The following RAPGEF6 variants were observed in gnomAD, a reference collection of about 807,000 sequenced individuals.
The protein encoded by RAPGEF6 is PDZ domain containing guanine nucleotide exchange factor (GEF) 2.
In RAPGEF6, 56 loss-of-function variants were observed where a neutral mutation model predicts 171.4. The observed-to-expected ratio is 0.33, with a 90% CI of 0.26 to 0.41. The LOEUF (loss-of-function observed/expected upper bound fraction) is 0.41. RAPGEF6 is among the 10% of genes least tolerant of loss of function. RAPGEF6 has a pLI of 1.00. For synonymous variants in RAPGEF6, 692 were observed against 650.1 expected (o/e 1.06, Z -0.98); for missense variants, 1,674 against 1,921.4 (o/e 0.87, Z 2.41).
At chr5:131,576,667 G>GC (rs1025356122) in intron 4 of RAPGEF6, among the ~76,000 whole-genome samples, 16 of 152,122 alleles carry the variant, frequency 1.1e-4, no homozygotes, top group Non-Finnish European at 1.9e-4. Flanking sequence ...CTCACGACCA[G>GC]TTTTTTTCCT....
intron 4 of RAPGEF6, among the ~76,000 whole-genome samples, chr5:131,591,222 A>C (rs1763567720): frequency 6.6e-6 from 1 of 152,148 alleles, no homozygotes; most frequent in Non-Finnish European, 1.5e-5. Context: ...AAAGCCTAGA[A>C]ATTTCTTCTC....
intron 1 of RAPGEF6, among the ~76,000 whole-genome samples, chr5:131,626,217 C>T (rs1161284371): frequency 6.6e-6 from 1 of 152,160 alleles, no homozygotes; most frequent in Non-Finnish European, 1.5e-5. Context: ...TTTTCATCCC[C>T]TCCCAAAGAA....
rs182365269 is a variant in RAPGEF6, at chr5:131,434,721, G to A, written c.3746-1063C>T. On this transcript the variant is annotated intron_variant, in intron 24 of 27. Coordinates refer to ENST00000509018, the MANE Select transcript of RAPGEF6 (RefSeq NM_016340.6). ...TGACTTACTGCACAGCAGACAACTA[G>A]AGAGATGTTCTTCTGTATTCTAGGG... Among the ~76,000 whole-genome samples the A allele has an allele frequency of 3.1e-3, 465 of 152,338 alleles. 2 individuals carry two copies. Among genetic ancestry groups the A allele is most frequent in the African/African-American group, 0.01 (433 of 41,574 alleles).
chr5:131,561,248 C>T (rs1761580138), intron 5 of RAPGEF6, among the ~76,000 whole-genome samples: 1 of 152,192 alleles, frequency 6.6e-6, no homozygotes, highest in Admixed American at 6.5e-5. Context: ...AACACCATTT[C>T]TTACTTGGAT....
chr5:131,431,096 G>A lies in RAPGEF6; in HGVS notation c.4228C>T (p.Pro1410Ser), dbSNP rs749623519. 41 of 1,614,076 alleles carry A rather than the reference G, an allele frequency of 2.5e-5. No individual in the cohort carries two copies. The highest frequency in any genetic ancestry group is 8.3e-5 in the Admixed American group (5 of 60,004). Residue 1410 changes from proline to serine, a missense_variant, in exon 26 of 28, where the codon CCC becomes TCC. Physicochemically the swap from Pro to Ser is moderately conservative, Grantham distance 74. Coordinates refer to ENST00000509018, the MANE Select transcript of RAPGEF6 (RefSeq NM_016340.6). ...GAGCAGCTTTTAGAACAGGAATAGG[G>A]CTCAGAGTCAGTGGGTTCAACTTCA... ...IAEVEPTDSE[P>S]YSCSKSCSRT...
chr5:131,514,451 A>G (rs1322461184), intron 7 of RAPGEF6, among the ~76,000 whole-genome samples: 1 of 152,184 alleles, frequency 6.6e-6, no homozygotes, highest in Non-Finnish European at 1.5e-5. Flanking sequence ...CACAATGTTC[A>G]GCATACAATA....
intron 2 of RAPGEF6, 72 bp from the exon 3 acceptor site, chr5:131,603,399 AATT>A: frequency 2.1e-6 from 2 of 961,390 alleles, no homozygotes; most frequent in Non-Finnish European, 3.2e-6. Context: ...GACCTCAACT[AATT>A]ATTATAATCT....
chr5:131,455,875 C>A lies in RAPGEF6; in HGVS notation c.3002G>T (p.Ser1001Ile). ...RNMAKYRNIL[S>I]SQSMQPPIIP... Reference sequence around the variant, plus strand: ...AATTGGAGGCTGCATACTTTGACTACTAAGAATATTTCTATACTTTGCCAT... The same window carrying A: ...AATTGGAGGCTGCATACTTTGACTAATAAGAATATTTCTATACTTTGCCAT... The change falls in exon 20 of 28, where the codon AGT becomes ATT. Residue 1001 changes from serine (S) to isoleucine (I), a missense_variant. Physicochemically the swap from Ser to Ile is moderately radical, Grantham distance 142 (BLOSUM62 -2). This residue lies in a region of RAPGEF6 where 1,116 missense variants were observed against 1,321.5 expected (regional missense o/e 0.84). Coordinates refer to ENST00000509018, the MANE Select transcript of RAPGEF6 (RefSeq NM_016340.6). 1 of 1,613,930 alleles carries A rather than the reference C, an allele frequency of 6.2e-7. No homozygotes were observed.
chr5:131,583,124 A>G (rs1580621300), intron 4 of RAPGEF6, among the ~76,000 whole-genome samples: 1 of 152,336 alleles, frequency 6.6e-6, no homozygotes, highest in East Asian at 1.9e-4. Flanking sequence ...TGCTAAACAA[A>G]TAGTGGAACA....
At chr5:131,598,205 TG>T (rs1764015201) in intron 3 of RAPGEF6, among the ~76,000 whole-genome samples, 1 of 151,468 alleles carries the variant, frequency 6.6e-6, no homozygotes, top group African/African-American at 2.4e-5. Context: ...TTCACATGAG[TG>T]GGTATTTTAG....
chr5:131,464,015 G>A (rs1412650526), intron 18 of RAPGEF6, 26 bp downstream of exon 18: 2 of 1,538,856 alleles, frequency 1.3e-6, no homozygotes, highest in African/African-American at 2.8e-5. Flanking sequence ...CTACAAATAA[G>A]CACATCCACT....
intron 1 of RAPGEF6, among the ~76,000 whole-genome samples, chr5:131,626,834 A>G (rs1257156909): frequency 6.6e-6 from 1 of 152,110 alleles, no homozygotes; most frequent in Non-Finnish European, 1.5e-5. Context: ...TTAACCTGTT[A>G]CTCTGAAATA....
intron 3 of RAPGEF6, among the ~76,000 whole-genome samples, chr5:131,601,818 G>A (rs1163221668): frequency 2.0e-5 from 3 of 152,100 alleles, no homozygotes; most frequent in Non-Finnish European, 2.9e-5. Flanking sequence ...CAGATCATGA[G>A]GTCAGGAGAT....
chr5:131,561,919 C>T (rs1761628122), intron 5 of RAPGEF6, 59 bp downstream of exon 5: 1 of 1,302,404 alleles, frequency 7.7e-7, no homozygotes, highest in African/African-American at 1.5e-5. Context: ...AAGCCTACTA[C>T]ATTTAAAGTT....
chr5:131,462,769 G>A (rs931591337), intron 18 of RAPGEF6, among the ~76,000 whole-genome samples: 1 of 152,162 alleles, frequency 6.6e-6, no homozygotes, highest in Non-Finnish European at 1.5e-5. Flanking sequence ...CTAAGGAAAC[G>A]AGGTAATGTA....
chr5:131,575,450 T>A (rs959751028), intron 4 of RAPGEF6, among the ~76,000 whole-genome samples: 6 of 152,282 alleles, frequency 3.9e-5, no homozygotes, highest in African/African-American at 1.4e-4. Flanking sequence ...CCCCATCCGT[T>A]ACCGATCTTG....
chr5:131,633,125 A>G (rs531456087), intron 1 of RAPGEF6, among the ~76,000 whole-genome samples: 3 of 151,962 alleles, frequency 2.0e-5, no homozygotes, highest in Non-Finnish European at 4.4e-5. Flanking sequence ...TGATGTCAGG[A>G]GTTCAAGACA....
intron 7 of RAPGEF6, among the ~76,000 whole-genome samples, chr5:131,512,206 A>AAAGC (rs1757779681): frequency 6.6e-6 from 1 of 152,182 alleles, no homozygotes; most frequent in African/African-American, 2.4e-5. Flanking sequence ...AAAGTGTCAC[A>AAAGC]AAGCAAGCAA....
At chr5:131,482,395 T>C (rs1755548724) in intron 15 of RAPGEF6, among the ~76,000 whole-genome samples, 1 of 152,162 alleles carries the variant, frequency 6.6e-6, no homozygotes, top group South Asian at 2.1e-4. Flanking sequence ...CTTGACTTTA[T>C]GGGCTCATCT....
Sources: gnomAD v4.1 joint callset for allele counts (sites outside exome capture counted in the v4.1 genomes callset) on GRCh38, gnomAD v4.1.1 for gene constraint, gnomAD v4.1.1 regional missense constraint, MANE v1.5 for transcripts, NCBI Gene and HGNC (gene_info 2026-07-23, HGNC 2026-07-21) for gene names.